Variants in AGBL4 observed in about 807,000 individuals in gnomAD.
AGBL4 encodes the protein cytosolic carboxypeptidase 6.
Under a neutral mutation model 66.4 loss-of-function variants are expected in AGBL4, and 58 were observed. That is an observed-to-expected ratio of 0.87 (90% CI 0.71 to 1.09). The LOEUF is 1.09. Among genes scored for constraint, AGBL4 ranks in the 50% least tolerant of loss-of-function variants. AGBL4 has a pLI of 0.00. For synonymous variants in AGBL4, 234 were observed against 222.9 expected, an observed-to-expected ratio of 1.05 and a Z score of -0.44; for missense variants, 579 against 631.0, an observed-to-expected ratio of 0.92 and a Z score of 0.88.
chr1:49,644,624 C>G (rs1645849688), intron 3 of AGBL4, among the ~76,000 whole-genome samples: 2 of 151,172 alleles, frequency 1.3e-5, no homozygotes, highest in African/African-American at 4.8e-5. Context: ...TGAAGTGAAA[C>G]TGGTAAAAGC....
intron 2 of AGBL4, among the ~76,000 whole-genome samples, chr1:49,818,819 C>T (rs1358082938): frequency 6.6e-6 from 1 of 152,136 alleles, no homozygotes; most frequent in Non-Finnish European, 1.5e-5. Flanking sequence ...TTGTAACACT[C>T]CTATTATTTA....
chr1:49,756,269 G>A (rs546152950), intron 2 of AGBL4, among the ~76,000 whole-genome samples: 5 of 151,668 alleles, frequency 3.3e-5, no homozygotes, highest in Non-Finnish European at 7.4e-5. Context: ...GAGGACAGAT[G>A]AGCATCTCTG....
At chr1:48,717,692 C>A (rs1413868889) in intron 6 of AGBL4, among the ~76,000 whole-genome samples, 1 of 152,144 alleles carries the variant, frequency 6.6e-6, no homozygotes, top group Non-Finnish European at 1.5e-5. Context: ...TTCTCTTTGC[C>A]ATATAGCACA....
chr1:49,320,019 A>G (rs2148474592), intron 3 of AGBL4, among the ~76,000 whole-genome samples: 1 of 152,082 alleles, frequency 6.6e-6, no homozygotes, highest in East Asian at 1.9e-4. Context: ...TACAGCCTCA[A>G]CCTCTGGGCT....
chr1:49,465,245 ACACACACACACACACACG>A, intron 3 of AGBL4, among the ~76,000 whole-genome samples: 1 of 151,112 alleles, frequency 6.6e-6, no homozygotes, highest in East Asian at 2.0e-4. Context: ...ACACACACAC[ACACACACACACACACACG>A]CAGACATGTC....
intron 6 of AGBL4, among the ~76,000 whole-genome samples, chr1:48,773,703 TG>T (rs1443295024): frequency 5.9e-5 from 9 of 152,136 alleles, no homozygotes; most frequent in Non-Finnish European, 1.3e-4. Flanking sequence ...GACTGCCAAG[TG>T]GGGGCCTGGC....
chr1:49,200,669 G>T (rs1304861480), intron 4 of AGBL4, among the ~76,000 whole-genome samples: 1 of 152,172 alleles, frequency 6.6e-6, no homozygotes, highest in East Asian at 1.9e-4. Context: ...TATAACGGGT[G>T]TTACAAAGGA....
chr1:49,469,993 C>T (rs1646709616), intron 3 of AGBL4: 1 of 151,894 alleles, frequency 6.6e-6, no homozygotes, highest in African/African-American at 2.4e-5. Context: ...ATCCCCTAGT[C>T]TCAGTCTCTC....
At chr1:49,014,806 A>G (rs1198389737) in intron 5 of AGBL4, among the ~76,000 whole-genome samples, 3 of 152,154 alleles carry the variant, frequency 2.0e-5, no homozygotes, top group African/African-American at 7.2e-5. Flanking sequence ...CATATAACTT[A>G]CCCAAATAAG....
intron 2 of AGBL4, among the ~76,000 whole-genome samples, chr1:49,731,259 A>G (rs1261933106): frequency 6.6e-6 from 1 of 152,174 alleles, no homozygotes; most frequent in Non-Finnish European, 1.5e-5. Flanking sequence ...CAGTATGGCA[A>G]ATAGTTCTGT....
chr1:49,768,396 G>A (rs186505324), intron 2 of AGBL4, among the ~76,000 whole-genome samples: 81 of 152,166 alleles, frequency 5.3e-4, no homozygotes, highest in African/African-American at 1.9e-3. Context: ...AATGTGATTC[G>A]CCACATAAAC....
chr1:48,848,570 T>A (rs917224603), intron 6 of AGBL4, among the ~76,000 whole-genome samples: 5 of 151,540 alleles, frequency 3.3e-5, no homozygotes, highest in African/African-American at 9.7e-5. Context: ...TAATACAACA[T>A]TTTTTTTTCC....
At chr1:48,782,491 G>C (rs926617271) in intron 6 of AGBL4, among the ~76,000 whole-genome samples, 1 of 152,136 alleles carries the variant, frequency 6.6e-6, no homozygotes, top group African/African-American at 2.4e-5. Flanking sequence ...AAAGCAATTG[G>C]AGCGTGCCTT....
intron 2 of AGBL4, among the ~76,000 whole-genome samples, chr1:49,816,758 A>G (rs1399647963): frequency 6.6e-6 from 1 of 152,218 alleles, no homozygotes; most frequent in African/African-American, 2.4e-5. Context: ...TGTATATTAG[A>G]TAACAAGACT....
At chr1:49,236,356 T>C (rs1251662076) in intron 4 of AGBL4, among the ~76,000 whole-genome samples, 2 of 152,152 alleles carry the variant, frequency 1.3e-5, no homozygotes, top group Non-Finnish European at 2.9e-5. Context: ...GAGTTCTTCA[T>C]TTTGTAACAT....
At chr1:48,640,755 C>A (rs1221646836) in intron 8 of AGBL4, among the ~76,000 whole-genome samples, 2 of 152,168 alleles carry the variant, frequency 1.3e-5, no homozygotes, top group Non-Finnish European at 2.9e-5. Flanking sequence ...CTAAGCTACT[C>A]ATTTGTCTGA....
At chr1:48,647,867 A>G (rs1487067244) in intron 8 of AGBL4, among the ~76,000 whole-genome samples, 1 of 152,190 alleles carries the variant, frequency 6.6e-6, no homozygotes. Context: ...ACACTGGTTC[A>G]GCCCATCATC....
chr1:49,056,258 A>C (rs899686348), intron 4 of AGBL4, among the ~76,000 whole-genome samples: 1 of 152,214 alleles, frequency 6.6e-6, no homozygotes, highest in South Asian at 2.1e-4. Context: ...GAAGGGGGAA[A>C]AAAAAAAGCA....
At chr1:49,504,573 C>T (rs1381017682) in intron 3 of AGBL4, among the ~76,000 whole-genome samples, 6 of 151,748 alleles carry the variant, frequency 4.0e-5, no homozygotes, top group Admixed American at 3.9e-4. Context: ...GATGAGTTTA[C>T]CCCTCTCTCA....
Sources: gnomAD v4.1 joint callset for allele counts (sites outside exome capture counted in the v4.1 genomes callset) on GRCh38, gnomAD v4.1.1 for gene constraint, MANE v1.5 for transcripts, NCBI Gene and HGNC (gene_info 2026-07-23, HGNC 2026-07-21) for gene names.